Variants in PLSCR2 observed in about 807,000 individuals in gnomAD.
PLSCR2 encodes the protein phospholipid scramblase 2, also known as PL scramblase 2.
Under a neutral mutation model 25.3 loss-of-function variants are expected in PLSCR2, and 18 were observed. The ratio of observed to expected loss-of-function variants is 0.71; its 90% CI spans 0.49 to 1.06. The LOEUF is 1.06. Among genes scored for constraint, PLSCR2 ranks in the 50% least tolerant of loss-of-function variants. The probability of loss-of-function intolerance (pLI) is 0.00; values close to 1 mark genes in which losing one functional copy is unlikely to be tolerated. For synonymous variants in PLSCR2, 88 were observed against 87.3 expected (o/e 1.01, Z -0.04); for missense variants, 243 against 269.5 (o/e 0.90, Z 0.69).
chr3:146,491,277 GA>G, intron 1 of PLSCR2, among the ~76,000 whole-genome samples: 1 of 151,718 alleles, frequency 6.6e-6, no homozygotes, highest in East Asian at 1.9e-4. Context: ...TTGCCTTTAA[GA>G]TTTTTTTGTT....
intron 6 of PLSCR2, among the ~76,000 whole-genome samples, chr3:146,446,153 G>A (rs997842161): frequency 1.2e-4 from 19 of 152,124 alleles, no homozygotes; most frequent in Admixed American, 1.0e-3. Flanking sequence ...GGTCCCTGGT[G>A]CCTTATTTAG....
chr3:146,397,293 A>G (rs2038308666), intron 2 of PLSCR2, among the ~76,000 whole-genome samples: 1 of 152,130 alleles, frequency 6.6e-6, no homozygotes, highest in Non-Finnish European at 1.5e-5. Flanking sequence ...GGTGTATTTC[A>G]TAATAAAAAT....
At chr3:146,454,820 G>A (rs886865266) in intron 4 of PLSCR2, among the ~76,000 whole-genome samples, 1 of 152,048 alleles carries the variant, frequency 6.6e-6, no homozygotes, top group Admixed American at 6.6e-5. Context: ...TTACTAGGTT[G>A]GCCAAAATTA....
At chr3:146,495,444 T>G (rs925905397) in intron 1 of PLSCR2, among the ~76,000 whole-genome samples, 2 of 152,162 alleles carry the variant, frequency 1.3e-5, no homozygotes, top group African/African-American at 4.8e-5. Flanking sequence ...TTTCTGAAAT[T>G]AATATGTTAA....
At chr3:146,450,347 T>A (rs1406765938) in intron 5 of PLSCR2, among the ~76,000 whole-genome samples, 1 of 152,246 alleles carries the variant, frequency 6.6e-6, no homozygotes, top group African/African-American at 2.4e-5. Context: ...TGAAAACATT[T>A]GATTCATTTT....
At chr3:146,478,361 T>G (rs1334841241) in intron 1 of PLSCR2, among the ~76,000 whole-genome samples, 4 of 152,156 alleles carry the variant, frequency 2.6e-5, no homozygotes, top group African/African-American at 7.2e-5. Context: ...GTTAGATGAA[T>G]GGCTAACTAG....
intron 2 of PLSCR2, among the ~76,000 whole-genome samples, chr3:146,404,830 G>GT (rs1576566209): frequency 6.7e-6 from 1 of 150,010 alleles, no homozygotes; most frequent in African/African-American, 2.4e-5. Context: ...AAGGGGGGGG[G>GT]TGGTGGTTAA....
At chr3:146,474,599 T>A (rs1030690440) in intron 1 of PLSCR2, among the ~76,000 whole-genome samples, 2 of 152,134 alleles carry the variant, frequency 1.3e-5, no homozygotes, top group African/African-American at 4.8e-5. Flanking sequence ...GAGAATCTGA[T>A]GATTATATGT....
downstream of PLSCR2, among the ~76,000 whole-genome samples, chr3:146,438,665 T>G (rs1002932004): frequency 6.6e-6 from 1 of 152,206 alleles, no homozygotes; most frequent in Non-Finnish European, 1.5e-5. Context: ...AGCCTATGTG[T>G]GTCTCTGTAT....
At chr3:146,453,891 T>C (rs1304658438) in intron 5 of PLSCR2, 111 bp downstream of exon 5, 1 of 771,642 alleles carries the variant, frequency 1.3e-6, no homozygotes, top group Admixed American at 3.3e-5. Context: ...AACATTATCT[T>C]GCTATTGAGA....
exon 2 of PLSCR2, chr3:146,460,034 C>T (rs779385687): frequency 3.8e-6 from 6 of 1,591,800 alleles, no homozygotes; most frequent in Non-Finnish European, 4.3e-6. Context: ...CAGCCTGTTT[C>T]CCAGTGTGTC....
At chr3:146,409,221 T>C (rs2038761258) in intron 2 of PLSCR2, among the ~76,000 whole-genome samples, 1 of 151,826 alleles carries the variant, frequency 6.6e-6, no homozygotes, top group African/African-American at 2.4e-5. Flanking sequence ...TCAGTGGTAG[T>C]AGAGGGGCTA....
intron 6 of PLSCR2, among the ~76,000 whole-genome samples, chr3:146,442,299 G>T (rs2040291476): frequency 6.6e-6 from 1 of 151,966 alleles, no homozygotes; most frequent in African/African-American, 2.4e-5. Flanking sequence ...AAAACTGTAA[G>T]ACAAACTGAA....
chr3:146,444,021 T>C (rs2040403730), intron 6 of PLSCR2, among the ~76,000 whole-genome samples: 1 of 152,038 alleles, frequency 6.6e-6, no homozygotes, highest in Non-Finnish European at 1.5e-5. Flanking sequence ...ATTTACCCAC[T>C]GGTAATTTAG....
At chr3:146,468,359 A>G (rs576657680) in intron 1 of PLSCR2, among the ~76,000 whole-genome samples, 9 of 152,348 alleles carry the variant, frequency 5.9e-5, no homozygotes, top group African/African-American at 2.2e-4. Flanking sequence ...TGACACTTCT[A>G]AGTGTCACTG....
At chr3:146,459,263 C>T (rs1323231429) in intron 2 of PLSCR2, among the ~76,000 whole-genome samples, 2 of 151,920 alleles carry the variant, frequency 1.3e-5, no homozygotes, top group Non-Finnish European at 2.9e-5. Context: ...GAGTCAAATC[C>T]CACACAAAAA....
intron 6 of PLSCR2, 37 bp from the exon 7 acceptor site, chr3:146,441,858 A>C (rs759986438): frequency 7.2e-7 from 1 of 1,396,370 alleles, no homozygotes; most frequent in Admixed American, 1.8e-5. Flanking sequence ...GAATTCTCAG[A>C]AACCAAACAG....
chr3:146,450,803 A>T (rs2040841144), intron 5 of PLSCR2, among the ~76,000 whole-genome samples: 1 of 152,198 alleles, frequency 6.6e-6, no homozygotes, highest in Non-Finnish European at 1.5e-5. Context: ...CTACTACTAG[A>T]CTTAACAAAT....
At chr3:146,404,960 A>C (rs1350451478) in intron 2 of PLSCR2, among the ~76,000 whole-genome samples, 2 of 151,860 alleles carry the variant, frequency 1.3e-5, no homozygotes, top group African/African-American at 4.8e-5. Flanking sequence ...GGGATGTTTG[A>C]CCCTTAAGGC....
Sources: gnomAD v4.1 joint callset for allele counts (sites outside exome capture counted in the v4.1 genomes callset) on GRCh38, gnomAD v4.1.1 for gene constraint, MANE v1.5 for transcripts, NCBI Gene and HGNC (gene_info 2026-07-23, HGNC 2026-07-21) for gene names.